Variants in PTPRD observed in about 807,000 individuals in gnomAD.
PTPRD encodes protein tyrosine phosphatase receptor type D, also known as receptor-type tyrosine-protein phosphatase delta.
In PTPRD, 34 loss-of-function variants were observed where a neutral mutation model predicts 214.5. The ratio of observed to expected loss-of-function variants is 0.16; its 90% CI spans 0.12 to 0.21. The LOEUF (loss-of-function observed/expected upper bound fraction) is 0.21, where lower values mean the gene tolerates loss of function less well. Ranked by LOEUF, PTPRD falls within the 10% of genes least tolerant of loss-of-function variation. The pLI is 1.00. For missense variants in PTPRD, 2,545 were observed against 2,398.7 expected, an observed-to-expected ratio of 1.06 and a Z score of -1.27; for synonymous variants, 1,128 against 845.7, an observed-to-expected ratio of 1.33 and a Z score of -5.79.
intron 2 of PTPRD, among the ~76,000 whole-genome samples, chr9:10,416,153 G>C (rs2098485024): frequency 2.6e-5 from 4 of 151,364 alleles, no homozygotes; most frequent in Admixed American, 2.6e-4. Flanking sequence ...TTCAAGATCA[G>C]CCTGGCCAAC....
At chr9:9,745,253 A>G (rs944097227) in intron 6 of PTPRD, among the ~76,000 whole-genome samples, 1 of 152,088 alleles carries the variant, frequency 6.6e-6, no homozygotes, top group South Asian at 2.1e-4. Flanking sequence ...TTTCAATGCA[A>G]TGGGGAAACA....
intron 2 of PTPRD, among the ~76,000 whole-genome samples, chr9:10,455,171 C>CT (rs1337663284): frequency 1.3e-5 from 2 of 151,684 alleles, no homozygotes; most frequent in Admixed American, 6.6e-5. Flanking sequence ...TGATGTAACT[C>CT]TTTTTTCAGC....
chr9:8,411,237 T>A (rs1040648019), intron 35 of PTPRD, among the ~76,000 whole-genome samples: 1 of 152,058 alleles, frequency 6.6e-6, no homozygotes, highest in African/African-American at 2.4e-5. Flanking sequence ...CATACAACTT[T>A]AAGATTAAAG....
intron 8 of PTPRD, among the ~76,000 whole-genome samples, chr9:9,537,421 A>G (rs1230066584): frequency 6.6e-6 from 1 of 151,918 alleles, no homozygotes. Flanking sequence ...TTCTTTTTAA[A>G]TGTTATGGCA....
intron 2 of PTPRD, among the ~76,000 whole-genome samples, chr9:10,603,212 G>A (rs2078426265): frequency 6.6e-6 from 1 of 151,800 alleles, no homozygotes; most frequent in African/African-American, 2.4e-5. Flanking sequence ...TGACAGATTG[G>A]AAATCCCAAA....
intron 30 of PTPRD, among the ~76,000 whole-genome samples, chr9:8,471,448 G>A (rs569722946): frequency 1.9e-4 from 29 of 152,158 alleles, no homozygotes; most frequent in Admixed American, 1.8e-3. Flanking sequence ...TCTATGACAT[G>A]AATTTATAAG....
chr9:10,114,200 C>A (rs946110079), intron 3 of PTPRD, among the ~76,000 whole-genome samples: 1 of 152,068 alleles, frequency 6.6e-6, no homozygotes, highest in African/African-American at 2.4e-5. Context: ...TCACCCACAA[C>A]CTGGCGAGAA....
intron 3 of PTPRD, among the ~76,000 whole-genome samples, chr9:10,315,856 T>C (rs907211523): frequency 6.6e-6 from 1 of 151,844 alleles, no homozygotes; most frequent in Non-Finnish European, 1.5e-5. Flanking sequence ...GCTTATGCCA[T>C]TTATAGTAGT....
rs141487911 is a variant in PTPRD at position 10,407,328 on chromosome 9, C to T, written c.-599-66311G>A. 5.3e-3 allele frequency among the ~76,000 whole-genome samples: 797 copies of T among 151,608 alleles called. 5 individuals carry two copies. The highest frequency in any genetic ancestry group is 0.018 in the African/African-American group (741 of 41,456). ...TTATATATACACATAAGAAATGCCA[C>T]TCAAGACACACAGATGTGAATATCT... On this transcript the variant is annotated intron_variant, in intron 2 of 45. Coordinates refer to ENST00000381196, the MANE Select transcript of PTPRD (RefSeq NM_002839.4).
At chr9:8,498,482 T>A (rs1315455104) in intron 25 of PTPRD, among the ~76,000 whole-genome samples, 1 of 152,144 alleles carries the variant, frequency 6.6e-6, no homozygotes, top group African/African-American at 2.4e-5. Context: ...TTCACCATGT[T>A]GAGCAGGATG....
intron 2 of PTPRD, among the ~76,000 whole-genome samples, chr9:10,491,835 G>A (rs1461478469): frequency 4.0e-5 from 6 of 151,850 alleles, no homozygotes; most frequent in Non-Finnish European, 5.9e-5. Flanking sequence ...TCTACATTAG[G>A]TATTTGTTCT....
chr9:9,191,933 G>A (rs2099935453), intron 9 of PTPRD, among the ~76,000 whole-genome samples: 1 of 152,004 alleles, frequency 6.6e-6, no homozygotes, highest in Admixed American at 6.6e-5. Flanking sequence ...TGCCCATTAA[G>A]GAGAAACATG....
intron 5 of PTPRD, among the ~76,000 whole-genome samples, chr9:9,917,703 A>G (rs946466932): frequency 5.3e-5 from 8 of 152,110 alleles, no homozygotes; most frequent in Admixed American, 3.9e-4. Flanking sequence ...ACAAAATACT[A>G]ACAAACCAAA....
chr9:8,538,103 T>C (rs1329051029), intron 14 of PTPRD, among the ~76,000 whole-genome samples: 4 of 152,024 alleles, frequency 2.6e-5, no homozygotes, highest in Admixed American at 2.0e-4. Flanking sequence ...TTGGGATTCA[T>C]TTAGATAAAA....
At chr9:10,379,985 T>C (rs2097789261) in intron 2 of PTPRD, among the ~76,000 whole-genome samples, 1 of 152,092 alleles carries the variant, frequency 6.6e-6, no homozygotes, top group Admixed American at 6.6e-5. Flanking sequence ...GAGGTCTTAC[T>C]CTGTTGCCCA....
At chr9:8,843,738 C>T (rs1406465133) in intron 11 of PTPRD, among the ~76,000 whole-genome samples, 3 of 152,292 alleles carry the variant, frequency 2.0e-5, no homozygotes, top group East Asian at 3.9e-4. Context: ...ATACTGTCTA[C>T]TATGGGATCT....
intron 7 of PTPRD, among the ~76,000 whole-genome samples, chr9:9,630,970 A>T (rs1210116720): frequency 1.3e-4 from 20 of 152,168 alleles, no homozygotes; most frequent in Non-Finnish European, 1.6e-4. Flanking sequence ...GATGCGAAGT[A>T]TATAAATCCC....
At chr9:9,956,118 C>T (rs957356380) in intron 4 of PTPRD, among the ~76,000 whole-genome samples, 2 of 152,036 alleles carry the variant, frequency 1.3e-5, no homozygotes, top group Non-Finnish European at 1.5e-5. Context: ...AATGTCCAAT[C>T]TAATATATGG....
At chr9:8,819,670 G>C (rs2154526135) in intron 11 of PTPRD, among the ~76,000 whole-genome samples, 1 of 152,110 alleles carries the variant, frequency 6.6e-6, no homozygotes, top group East Asian at 1.9e-4. Context: ...CAAAAAAAAA[G>C]CTCTTTGTGA....
Sources: allele counts gnomAD v4.1 joint callset (sites outside exome capture counted in the v4.1 genomes callset), GRCh38; gene constraint gnomAD v4.1.1; transcripts MANE v1.5; gene names NCBI Gene and HGNC (gene_info 2026-07-23, HGNC 2026-07-21).